PAK4: variants seen among roughly 807,000 people sequenced by gnomAD.
The protein encoded by PAK4 is p21 (RAC1) activated kinase 4, also known as serine/threonine-protein kinase PAK 4.
Under a neutral mutation model 53.5 loss-of-function variants are expected in PAK4, and 49 were observed. That is an observed-to-expected ratio of 0.92 (90% confidence interval 0.73 to 1.16). The LOEUF (loss-of-function observed/expected upper bound fraction) is 1.16. PAK4 is among the 50% of genes most tolerant of loss of function. The pLI, the probability that PAK4 is intolerant of heterozygous loss-of-function variation, is 0.00. For missense variants in PAK4, 824 were observed against 850.7 expected (o/e 0.97, Z 0.39); for synonymous variants, 376 against 375.6 (o/e 1.00, Z -0.01).
chr19:39,132,034 C>G (rs2073722008), intron 1 of PAK4, among the ~76,000 whole-genome samples: 1 of 152,174 alleles, frequency 6.6e-6, no homozygotes, highest in Non-Finnish European at 1.5e-5. Flanking sequence ...CCCTGTCCCC[C>G]TCTGGGTTCT....
intron 2 of PAK4, among the ~76,000 whole-genome samples, chr19:39,171,506 C>T (rs186649369): frequency 8.5e-5 from 13 of 152,324 alleles, no homozygotes; most frequent in Admixed American, 3.3e-4. Flanking sequence ...CTTGCCTCAA[C>T]GCCCTGTTCT....
At chr19:39,131,736 G>A (rs2073715734) in intron 1 of PAK4, among the ~76,000 whole-genome samples, 1 of 152,188 alleles carries the variant, frequency 6.6e-6, no homozygotes, top group African/African-American at 2.4e-5. Context: ...AGGCTGGGAG[G>A]CCATCTGCTG....
At chr19:39,163,182 G>T (rs1480380915) in intron 1 of PAK4, among the ~76,000 whole-genome samples, 4 of 152,220 alleles carry the variant, frequency 2.6e-5, no homozygotes, top group African/African-American at 9.7e-5. Context: ...ATTGTGGCAG[G>T]GTGGTGAGTG....
intron 1 of PAK4, among the ~76,000 whole-genome samples, chr19:39,155,540 G>A (rs1304224259): frequency 6.6e-6 from 1 of 152,156 alleles, no homozygotes; most frequent in African/African-American, 2.4e-5. Context: ...GCCTCGAGGG[G>A]AACAGACAGT....
chr19:39,143,132 C>T (rs1227419291), intron 1 of PAK4, among the ~76,000 whole-genome samples: 3 of 151,992 alleles, frequency 2.0e-5, no homozygotes, highest in Admixed American at 2.0e-4. Flanking sequence ...GTCCCTTCTC[C>T]CACTTGTTTA....
intron 1 of PAK4, chr19:39,168,559 G>A (rs1324764456): frequency 6.6e-6 from 1 of 152,242 alleles, no homozygotes; most frequent in Non-Finnish European, 1.5e-5. Flanking sequence ...CCTGCCCAAG[G>A]TCACGGCAGC....
At chr19:39,133,687 C>T (rs999637313) in intron 1 of PAK4, among the ~76,000 whole-genome samples, 14 of 152,168 alleles carry the variant, frequency 9.2e-5, no homozygotes, top group Admixed American at 6.5e-4. Flanking sequence ...TTGGGAGCAC[C>T]GGGTGGGCAG....
At position 39,175,297 on chromosome 19, in the gene PAK4, C is replaced by A. The variant is rs777756935; in HGVS notation, c.1233-15C>A. Reference sequence around the variant, plus strand: ...GCTGTCCAGCTGGCTGCTCACCCCCCACCCCACCCCGCAGGATGAACGAGG... The same window carrying A: ...GCTGTCCAGCTGGCTGCTCACCCCCAACCCCACCCCGCAGGATGAACGAGG... On this transcript the variant is annotated splice_polypyrimidine_tract_variant and intron_variant, in intron 5 of 8. Coordinates refer to ENST00000358301, the Ensembl canonical transcript of PAK4. The surrounding 1 kb of genome is among the most constrained non-coding windows in gnomAD (Gnocchi z 4.7). 6.4e-7 allele frequency: 1 copy of A among 1,564,260 alleles called. No homozygotes were observed. The highest frequency in any genetic ancestry group is 1.4e-5 in the African/African-American group (1 of 74,048).
chr19:39,146,221 G>GAGACAGACA (rs56019379), intron 1 of PAK4, among the ~76,000 whole-genome samples: 15 of 152,266 alleles, frequency 9.9e-5, no homozygotes, highest in Admixed American at 1.3e-4. Context: ...GACAGACATG[G>GAGACAGACA]TACTAGGCAG....
At position 39,173,788 on chromosome 19, in the gene PAK4, A is replaced by T. The variant is rs780718273; in HGVS notation, c.876A>T (p.Pro292=). Residue 292 remains proline (P), a synonymous_variant, in exon 4 of 9, where the codon CCA becomes CCT. Transcript: ENST00000358301. This position sits in a 1 kb window ranked among gnomAD's most constrained non-coding sequence, Gnocchi z 6.9. The stretch of plus-strand genomic sequence containing the variant: ...CTGGGCCCCCTGGCCCCCGCTCACC[A>T]CAGCGGGAGCCACAGCGAGTATCCC... The T allele has an allele frequency of 1.3e-5, 21 of 1,605,658 alleles. No homozygotes were observed. The highest frequency in any genetic ancestry group is 1.7e-5 in the Non-Finnish European group (20 of 1,177,268).
At chr19:39,136,200 T>A (rs371258431) in intron 1 of PAK4, among the ~76,000 whole-genome samples, 1 of 145,084 alleles carries the variant, frequency 6.9e-6, no homozygotes, top group African/African-American at 2.5e-5. Context: ...TCCTGGACCA[T>A]TGAGGCGTGC....
chr19:39,145,223 T>C (rs780419230), intron 1 of PAK4, among the ~76,000 whole-genome samples: 1 of 151,804 alleles, frequency 6.6e-6, no homozygotes, highest in African/African-American at 2.4e-5. Flanking sequence ...TTGCTGTGGG[T>C]GCAGCCCCCA....
exon 9 of PAK4, chr19:39,179,303 A>C (rs1218700077): frequency 6.6e-6 from 1 of 152,576 alleles, no homozygotes; most frequent in Non-Finnish European, 1.5e-5. Flanking sequence ...GCCCTGGCAG[A>C]ACCACTGCCT....
chr19:39,173,884 C>T lies in PAK4; in HGVS notation c.972C>T (p.Phe324=). ...ACCCCCGCTCCTACCTGGACAACTT[C>T]ATCAAGATTGGCGAGGGCTCCACGG... is the stretch of plus-strand genomic sequence containing the variant. Residue 324 remains phenylalanine, a synonymous_variant, in exon 4 of 9, where the codon TTC becomes TTT. Coordinates refer to ENST00000358301, the Ensembl canonical transcript of PAK4. The surrounding 1 kb of genome is among the most constrained non-coding windows in gnomAD (Gnocchi z 6.9). 1 of 1,612,762 alleles carries T rather than the reference C, an allele frequency of 6.2e-7. No homozygotes were observed. The highest frequency in any genetic ancestry group is 8.5e-7 in the Non-Finnish European group (1 of 1,179,822).
chr19:39,161,659 G>A lies in PAK4; in HGVS notation c.-22-7873G>A, dbSNP rs538188831. 1.3e-5 allele frequency among the ~76,000 whole-genome samples: 2 copies of A among 151,874 alleles called. No homozygotes were observed. The highest frequency in any genetic ancestry group is 1.9e-4 in the East Asian group (1 of 5,170). Reference sequence around the variant, plus strand: ...TGGGCTCAGAGACCCCTGCAACTCCGTCTCACTCGGGAAAGGACCAGGCCC... The same window carrying A: ...TGGGCTCAGAGACCCCTGCAACTCCATCTCACTCGGGAAAGGACCAGGCCC... On this transcript the variant is annotated intron_variant, in intron 1 of 8. Coordinates refer to ENST00000358301, the Ensembl canonical transcript of PAK4. The surrounding 1 kb of genome is among the most constrained non-coding windows in gnomAD (Gnocchi z 4.5).
At chr19:39,176,618 C>G in exon 7 of PAK4, 1 of 1,613,860 alleles carries the variant, frequency 6.2e-7, no homozygotes, top group Non-Finnish European at 8.5e-7. Flanking sequence ...GGGTTCTGCG[C>G]CCAGGTGAGC....
At chr19:39,166,000 A>T (rs2074369653) in intron 1 of PAK4, among the ~76,000 whole-genome samples, 1 of 152,124 alleles carries the variant, frequency 6.6e-6, no homozygotes, top group South Asian at 2.1e-4. Flanking sequence ...TGCCTGGAAG[A>T]GGGCTGGTAT....
intron 4 of PAK4, among the ~76,000 whole-genome samples, chr19:39,174,444 C>T (rs1241712350): frequency 1.3e-5 from 2 of 151,888 alleles, no homozygotes; most frequent in African/African-American, 2.4e-5. Context: ...ACCCCCTCCC[C>T]GTCCCTCCTT....
intron 1 of PAK4, among the ~76,000 whole-genome samples, chr19:39,164,967 A>G (rs1444453342): frequency 6.6e-6 from 1 of 151,824 alleles, no homozygotes; most frequent in Non-Finnish European, 1.5e-5. Flanking sequence ...GCACAGGCCC[A>G]TGGGAAAGGC....
Sources: gnomAD v4.1 joint callset for allele counts (sites outside exome capture counted in the v4.1 genomes callset) on GRCh38, gnomAD v4.1.1 for gene constraint, Gnocchi (gnomAD v3.1) non-coding constraint, MANE v1.5 for transcripts, NCBI Gene and HGNC (gene_info 2026-07-23, HGNC 2026-07-21) for gene names.